COL17A1: variants seen among roughly 807,000 people sequenced by gnomAD.
COL17A1 encodes the protein collagen alpha-1(XVII) chain.
A neutral mutation model predicts 218.4 loss-of-function variants in COL17A1; 181 were observed. The observed-to-expected ratio is 0.83, with a 90% confidence interval of 0.73 to 0.94. The LOEUF (loss-of-function observed/expected upper bound fraction) is 0.94. Ranked by LOEUF, COL17A1 falls within the 40% of genes least tolerant of loss-of-function variation. COL17A1 has a pLI of 0.00. For missense variants in COL17A1, 1,924 were observed against 1,945.9 expected, an observed-to-expected ratio of 0.99 and a Z score of 0.21; for synonymous variants, 721 against 731.0, an observed-to-expected ratio of 0.99 and a Z score of 0.22.
chr10:104,038,643 G>C lies in COL17A1; in HGVS notation c.2948-115C>G, dbSNP rs926050521. ...GAGGGTCTTCTCAGGAGGAGAAATA[G>C]GATAGTGGCAAGGAGAAGGGTCCCC... On this transcript the variant is annotated intron_variant, in intron 44 of 55. Coordinates refer to ENST00000648076, the MANE Select transcript of COL17A1 (RefSeq NM_000494.4). The C allele has an allele frequency of 1.0e-5, 14 of 1,343,348 alleles. No homozygotes were observed. The Admixed American group carries it at 2.5e-4, about 24-fold the overall frequency. 83.2% of individuals were successfully genotyped at this position (1,343,348 alleles called of 1,614,324 possible).
At chr10:104,058,101 GC>G (rs2086548296) in intron 16 of COL17A1, 44 bp downstream of exon 16, 1 of 1,613,206 alleles carries the variant, frequency 6.2e-7, no homozygotes, top group Non-Finnish European at 8.5e-7. Context: ...GCCATAAGCA[GC>G]CCCACTGGAT....
In COL17A1 at chr10:104,081,224, T is replaced by C. The variant is rs1404362442; in HGVS notation, c.-11-540A>G. 3.3e-5 allele frequency among the ~76,000 whole-genome samples: 5 copies of C among 152,370 alleles called. 1 individual carries two copies. The South Asian group carries it at 8.3e-4, about 25-fold the overall frequency. On this transcript the variant is annotated intron_variant, in intron 1 of 55. Coordinates refer to ENST00000648076, the MANE Select transcript of COL17A1 (RefSeq NM_000494.4). The stretch of plus-strand genomic sequence containing the variant: ...AAAATAATTATATTTGTCGTACTTG[T>C]ATGGAACTTTACTCTTCTCAAAGTA...
chr10:104,062,876 CA>C (rs1182055476), intron 11 of COL17A1, among the ~76,000 whole-genome samples: 1 of 152,242 alleles, frequency 6.6e-6, no homozygotes, highest in Non-Finnish European at 1.5e-5. Flanking sequence ...CAACAACGTG[CA>C]GAAGCTTATT....
intron 46 of COL17A1, 97 bp from the exon 47 acceptor site, chr10:104,037,210 G>T: frequency 1.8e-6 from 2 of 1,105,704 alleles, no homozygotes; most frequent in Non-Finnish European, 2.7e-6. Flanking sequence ...CGAGCTGTTT[G>T]TCTTTGGGGG....
intron 1 of COL17A1, among the ~76,000 whole-genome samples, chr10:104,085,462 G>A (rs1203231219): frequency 6.6e-6 from 1 of 152,168 alleles, no homozygotes; most frequent in African/African-American, 2.4e-5. Context: ...AATGCAGAAA[G>A]GTCTTGCCTC....
intron 27 of COL17A1, 141 bp from the exon 28 acceptor site, chr10:104,050,265 G>A: frequency 7.8e-7 from 1 of 1,275,342 alleles, no homozygotes; most frequent in Non-Finnish European, 1.1e-6. Context: ...TGAGGACACA[G>A]CATTAATGCA....
intron 2 of COL17A1, among the ~76,000 whole-genome samples, chr10:104,079,260 G>A (rs749141930): frequency 6.6e-6 from 1 of 152,140 alleles, no homozygotes; most frequent in African/African-American, 2.4e-5. Context: ...TGCTCTGACT[G>A]TGGCCCTCAG....
chr10:104,035,507 T>C lies in COL17A1; in HGVS notation c.3475A>G (p.Thr1159Ala). The change falls in exon 49 of 56, where the codon ACC becomes GCC. Residue 1159 changes from threonine to alanine, a missense_variant. Transcript: ENST00000648076. ...AAGGAGAGGAGCTCCTCATAGGAGG[T>C]TCCCGGCAAGCCAGGGGGCCCCGGG... ...GPPGPPGLPG[T>A]SYEELLSLLR... is the part of the protein sequence containing the mutation. 6.2e-7 allele frequency: 1 copy of C among 1,613,988 alleles called. No individual in the cohort carries two copies. The highest frequency in any genetic ancestry group is 8.5e-7 in the Non-Finnish European group (1 of 1,179,954).
chr10:104,078,399 G>A lies in COL17A1; in HGVS notation c.97+143C>T, dbSNP rs183867334. 510 of 1,075,090 alleles carry A rather than the reference G, an allele frequency of 4.7e-4. 3 individuals carry two copies. The African/African-American group carries it at 5.9e-3, about 12-fold the overall frequency. 66.6% of individuals were successfully genotyped at this position (1,075,090 alleles called of 1,614,324 possible). A position where few individuals can be genotyped will look rare whatever the true frequency, so the allele number is the denominator to read the frequency against. On this transcript the variant is annotated intron_variant, in intron 3 of 55. Transcript: ENST00000648076. ...ACTGAATTATACACTTCAAACTGGCGAATTCTGTTGTATAGAAATTAATGT... is the reference window on the plus strand; with the variant it reads ...ACTGAATTATACACTTCAAACTGGCAAATTCTGTTGTATAGAAATTAATGT...
At chr10:104,056,146 G>T in intron 17 of COL17A1, 143 bp from the exon 18 acceptor site, 1 of 1,023,756 alleles carries the variant, frequency 9.8e-7, no homozygotes, top group Non-Finnish European at 1.5e-6. Context: ...GAGATAATCT[G>T]CCGTGGCCAC....
At chr10:104,040,092 C>T in intron 40 of COL17A1, 93 bp from the exon 41 acceptor site, 1 of 1,426,054 alleles carries the variant, frequency 7.0e-7, no homozygotes. Context: ...GGCTCCAATG[C>T]TAGAGCAGAT....
chr10:104,035,736 C>T (rs1378777418), intron 48 of COL17A1, among the ~76,000 whole-genome samples, 173 bp from the exon 49 acceptor site: 2 of 151,800 alleles, frequency 1.3e-5, no homozygotes, highest in South Asian at 2.1e-4. Context: ...GAGGGGCCCA[C>T]GGGGCCGGAG....
intron 52 of COL17A1, 120 bp from the exon 53 acceptor site, chr10:104,033,495 C>G: frequency 1.6e-6 from 2 of 1,237,160 alleles, no homozygotes; most frequent in Non-Finnish European, 2.3e-6. Flanking sequence ...CAAGCCGCAG[C>G]AAGGGTGAAG....
chr10:104,035,646 T>C (rs2086273170), intron 48 of COL17A1, 83 bp from the exon 49 acceptor site: 44 of 1,128,210 alleles, frequency 3.9e-5, no homozygotes, highest in Non-Finnish European at 5.7e-5. Flanking sequence ...CAGAAGAGGT[T>C]TGGACAGAAG....
chr10:104,045,007 G>C (rs1246664971), intron 33 of COL17A1, among the ~76,000 whole-genome samples: 1 of 152,174 alleles, frequency 6.6e-6, no homozygotes, highest in African/African-American at 2.4e-5. Flanking sequence ...CACCAAGAGT[G>C]ACAGTGACTG....
At chr10:104,066,253 C>T (rs977545584) in intron 9 of COL17A1, among the ~76,000 whole-genome samples, 4 of 152,094 alleles carry the variant, frequency 2.6e-5, no homozygotes, top group African/African-American at 7.2e-5. Context: ...AAAGCCCCTG[C>T]CCAACAAAAG....
At chr10:104,077,699 T>TTTTTGTTTTGTTTTG (rs57572186) in intron 3 of COL17A1, among the ~76,000 whole-genome samples, 173 bp from the exon 4 acceptor site, 1 of 151,446 alleles carries the variant, frequency 6.6e-6, no homozygotes, top group African/African-American at 2.4e-5. Flanking sequence ...TTTCGTTGGT[T>TTTTTGTTTTGTTTTG]TTTTGTTTTG....
In COL17A1 at chr10:104,034,637, C is replaced by T; in HGVS notation, c.3750G>A (p.Leu1250=). 4 of 1,610,282 alleles carry T rather than the reference C, an allele frequency of 2.5e-6. No homozygotes were observed. The South Asian group carries it at 4.4e-5, about 18-fold the overall frequency. ...GGCACCTACTTGTGAGGTAGCTGATCAGCTCGCTCCGGAAGCTGTCGCTGT... is the reference window on the plus strand; with the variant it reads ...GGCACCTACTTGTGAGGTAGCTGATTAGCTCGCTCCGGAAGCTGTCGCTGT... ...AENSDSFRSE[L]ISYLTSPDVR... is the part of the protein sequence containing the mutation. Residue 1250 remains leucine, a synonymous_variant, in exon 51 of 56, where the codon CTG becomes CTA. Coordinates refer to ENST00000648076, the MANE Select transcript of COL17A1 (RefSeq NM_000494.4).
At chr10:104,052,478 T>C (rs1474241055) in intron 23 of COL17A1, among the ~76,000 whole-genome samples, 2 of 152,164 alleles carry the variant, frequency 1.3e-5, no homozygotes, top group East Asian at 3.8e-4. Context: ...AAAGTAAAGC[T>C]GAAAATAAAG....
Sources: allele counts gnomAD v4.1 joint callset (sites outside exome capture counted in the v4.1 genomes callset), GRCh38; gene constraint gnomAD v4.1.1; transcripts MANE v1.5; gene names NCBI Gene and HGNC (gene_info 2026-07-23, HGNC 2026-07-21).